Variants in ADAM22 observed in about 807,000 individuals in gnomAD.
The protein encoded by ADAM22 is ADAM metallopeptidase domain 22.
In ADAM22, 65 loss-of-function variants were observed where a neutral mutation model predicts 144.6. That is an observed-to-expected ratio of 0.45 (90% CI 0.37 to 0.55). The LOEUF is 0.55. Ranked by LOEUF, ADAM22 falls within the 20% of genes least tolerant of loss-of-function variation. The probability of loss-of-function intolerance (pLI) is 0.00; values close to 1 mark genes in which losing one functional copy is unlikely to be tolerated. For missense variants in ADAM22, 974 were observed against 1,184.9 expected (o/e 0.82, Z 2.61); for synonymous variants, 391 against 412.6 (o/e 0.95, Z 0.63).
At chr7:88,166,168 G>A (rs1586406063) in intron 24 of ADAM22, among the ~76,000 whole-genome samples, 1 of 151,948 alleles carries the variant, frequency 6.6e-6, no homozygotes, top group African/African-American at 2.4e-5. Context: ...GCCTTATCTT[G>A]TCCTACTTCA....
chr7:88,027,916 G>C (rs1268224175), intron 3 of ADAM22, among the ~76,000 whole-genome samples: 1 of 151,732 alleles, frequency 6.6e-6, no homozygotes, highest in African/African-American at 2.4e-5. Context: ...TTGGCCTTCT[G>C]AGTAGCTGGG....
chr7:87,972,691 A>G (rs192151817), intron 2 of ADAM22, among the ~76,000 whole-genome samples: 2,230 of 152,330 alleles, frequency 0.015, 45 homozygotes, highest in African/African-American at 0.051. Context: ...CTATACCTAC[A>G]AAGCTACAGT....
intron 31 of ADAM22, among the ~76,000 whole-genome samples, chr7:88,195,378 C>T (rs1850447872): frequency 6.6e-6 from 1 of 152,082 alleles, no homozygotes; most frequent in East Asian, 1.9e-4. Context: ...TTGACCGGAA[C>T]AGGGCCAATA....
chr7:88,157,407 T>C (rs1358749790), intron 22 of ADAM22, among the ~76,000 whole-genome samples: 1 of 152,142 alleles, frequency 6.6e-6, no homozygotes, highest in Non-Finnish European at 1.5e-5. Flanking sequence ...ACAGGAGCCC[T>C]GGGAGTCAGA....
chr7:88,145,614 T>G (rs1563320874), intron 17 of ADAM22, 107 bp downstream of exon 17: 4 of 858,360 alleles, frequency 4.7e-6, no homozygotes, highest in Non-Finnish European at 7.2e-6. Context: ...CTAACATATA[T>G]TAAATGAGTA....
chr7:88,163,275 AT>A (rs1842183049), intron 23 of ADAM22, 95 bp downstream of exon 23: 16 of 1,029,736 alleles, frequency 1.6e-5, no homozygotes, highest in South Asian at 1.5e-4. Flanking sequence ...ATGGAAAAAA[AT>A]GATTTTTCAT....
intron 3 of ADAM22, among the ~76,000 whole-genome samples, chr7:87,992,131 G>A (rs1219145679): frequency 1.3e-5 from 2 of 152,164 alleles, no homozygotes; most frequent in Non-Finnish European, 2.9e-5. Flanking sequence ...AATCTTGCCT[G>A]GTTAAAGGGC....
chr7:88,092,535 C>T (rs1820179166), intron 4 of ADAM22, among the ~76,000 whole-genome samples: 1 of 152,304 alleles, frequency 6.6e-6, no homozygotes, highest in Non-Finnish European at 1.5e-5. Context: ...TTGATGTGTG[C>T]ATTTCCCCCC....
At chr7:88,171,701 C>T (rs1844360394) in intron 26 of ADAM22, 140 bp downstream of exon 26, 1 of 627,986 alleles carries the variant, frequency 1.6e-6, no homozygotes, top group Admixed American at 3.8e-5. Context: ...TTTTCATTAT[C>T]TTGAGGTAAT....
intron 4 of ADAM22, among the ~76,000 whole-genome samples, chr7:88,078,649 T>G (rs1012798525): frequency 6.6e-6 from 1 of 152,148 alleles, no homozygotes; most frequent in Admixed American, 6.5e-5. Context: ...GAGAAGTCCT[T>G]AAAGGACCTG....
At chr7:88,052,719 T>C (rs1412765608) in intron 3 of ADAM22, among the ~76,000 whole-genome samples, 2 of 152,220 alleles carry the variant, frequency 1.3e-5, no homozygotes, top group Non-Finnish European at 2.9e-5. Context: ...GTGACATTTA[T>C]TTTCTTTGTG....
intron 24 of ADAM22, among the ~76,000 whole-genome samples, chr7:88,166,689 T>C (rs138102221): frequency 2.5e-4 from 38 of 152,290 alleles, no homozygotes; most frequent in African/African-American, 8.7e-4. Flanking sequence ...TAAACAGTTT[T>C]AGCTAATATG....
chr7:88,114,712 C>G, intron 6 of ADAM22, 65 bp downstream of exon 6: 4 of 1,415,532 alleles, frequency 2.8e-6, no homozygotes, highest in South Asian at 1.2e-5. Context: ...TTTTCCTCTC[C>G]TTTTTTTATC....
chr7:88,073,865 C>G (rs1246907484), intron 3 of ADAM22, among the ~76,000 whole-genome samples: 3 of 152,190 alleles, frequency 2.0e-5, no homozygotes, highest in Non-Finnish European at 1.5e-5. Flanking sequence ...GACAAGTATG[C>G]CTAGTCAGTG....
intron 3 of ADAM22, among the ~76,000 whole-genome samples, chr7:88,036,525 T>A (rs1280392395): frequency 6.6e-6 from 1 of 152,190 alleles, no homozygotes; most frequent in Non-Finnish European, 1.5e-5. Context: ...TAATAATACG[T>A]TAACAGTATA....
intron 14 of ADAM22, among the ~76,000 whole-genome samples, chr7:88,141,509 A>AT (rs1554496968): frequency 1.3e-5 from 2 of 152,192 alleles, no homozygotes; most frequent in Non-Finnish European, 1.5e-5. Flanking sequence ...GGGAAACTTT[A>AT]TAAAAACTAC....
At chr7:88,067,160 TC>T (rs1178036351) in intron 3 of ADAM22, among the ~76,000 whole-genome samples, 2 of 151,960 alleles carry the variant, frequency 1.3e-5, no homozygotes, top group Non-Finnish European at 2.9e-5. Flanking sequence ...GGAACATGTC[TC>T]CCTCTGTTGA....
At chr7:88,125,253 T>G (rs1314281066) in intron 7 of ADAM22, among the ~76,000 whole-genome samples, 2 of 152,024 alleles carry the variant, frequency 1.3e-5, no homozygotes, top group African/African-American at 4.8e-5. Context: ...TCTTCTTTAT[T>G]TTGCTGCCTC....
At chr7:87,990,013 A>G (rs994065320) in intron 3 of ADAM22, among the ~76,000 whole-genome samples, 1 of 152,134 alleles carries the variant, frequency 6.6e-6, no homozygotes, top group African/African-American at 2.4e-5. Context: ...ATCAGAAGAG[A>G]ATGTGTTTCA....
Sources: allele counts gnomAD v4.1 joint callset (sites outside exome capture counted in the v4.1 genomes callset), GRCh38; gene constraint gnomAD v4.1.1; transcripts MANE v1.5; gene names NCBI Gene and HGNC (gene_info 2026-07-23, HGNC 2026-07-21).